CLASP1: variants seen among roughly 807,000 people sequenced by gnomAD.
CLASP1 encodes the protein CLIP-associating protein 1.
CLASP1 carries 38 observed loss-of-function variants against 192.3 expected under a neutral mutation model. The observed-to-expected ratio is 0.20, with a 90% CI of 0.15 to 0.26. The LOEUF is 0.26. CLASP1 is among the 10% of genes least tolerant of loss of function. The pLI is 1.00. For missense variants in CLASP1, 1,433 were observed against 1,932.5 expected, an observed-to-expected ratio of 0.74 and a Z score of 4.85; for synonymous variants, 691 against 712.8, an observed-to-expected ratio of 0.97 and a Z score of 0.49.
At chr2:121,470,771 T>C (rs2090572456) in intron 8 of CLASP1, 1 of 353,814 alleles carries the variant, frequency 2.8e-6, no homozygotes. Context: ...AGAGGTCATA[T>C]AAATGTACAT....
At chr2:121,587,982 T>C (rs2061920074) in intron 2 of CLASP1, among the ~76,000 whole-genome samples, 1 of 151,928 alleles carries the variant, frequency 6.6e-6, no homozygotes, top group Non-Finnish European at 1.5e-5. Context: ...AAGACTAGCC[T>C]GGTCAACATA....
At chr2:121,506,157 A>C (rs778347297) in intron 7 of CLASP1, among the ~76,000 whole-genome samples, 1 of 152,254 alleles carries the variant, frequency 6.6e-6, no homozygotes, top group Non-Finnish European at 1.5e-5. Flanking sequence ...TCAAAGAAGC[A>C]AAGAAAACAT....
intron 15 of CLASP1, among the ~76,000 whole-genome samples, chr2:121,451,438 A>C (rs1288937980): frequency 6.6e-6 from 1 of 152,360 alleles, no homozygotes; most frequent in East Asian, 1.9e-4. Context: ...AAACTTTCAA[A>C]TGAGTGAAAT....
At chr2:121,409,428 C>T (rs1477290945) in intron 24 of CLASP1, among the ~76,000 whole-genome samples, 1 of 152,152 alleles carries the variant, frequency 6.6e-6, no homozygotes, top group Non-Finnish European at 1.5e-5. Context: ...GTTTTCTCTT[C>T]AGAAGCAGGT....
intron 8 of CLASP1, among the ~76,000 whole-genome samples, chr2:121,494,494 G>A (rs1204114107): frequency 6.6e-6 from 1 of 151,964 alleles, no homozygotes; most frequent in Non-Finnish European, 1.5e-5. Context: ...TGGTTAAAGG[G>A]TACAAAAATA....
rs1487164913 is a variant in CLASP1, at chr2:121,531,001, T to TG, written c.196-677dup. 2.9e-6 allele frequency: 2 copies of TG among 700,156 alleles called. No individual in the cohort carries two copies. Among genetic ancestry groups the TG allele is most frequent in the African/African-American group, 1.7e-5 (1 of 57,150 alleles). 43.4% of individuals were successfully genotyped at this position (700,156 alleles called of 1,614,324 possible). A position where few individuals can be genotyped will look rare whatever the true frequency, so the allele number is the denominator to read the frequency against. ...TTTTGCTTTATTTTGGTGCAATTTT[T>TG]GGAAAAATGAAAACCTGTTTTCATA... On this transcript the variant is annotated intron_variant, in intron 2 of 39. Transcript: ENST00000263710.
chr2:121,529,830 G>C lies in CLASP1; in HGVS notation c.274+417C>G, dbSNP rs374948308. ...TCAAGGAAAACTGCCTCTCATTAAA[G>C]GGGACCGGGGTCAGGGTAAAATATG... On this transcript the variant is annotated intron_variant, in intron 3 of 39. Transcript: ENST00000263710. 2.0e-5 allele frequency among the ~76,000 whole-genome samples: 3 copies of C among 152,370 alleles called. No individual in the cohort carries two copies. The South Asian group carries it at 6.2e-4, about 32-fold the overall frequency.
intron 23 of CLASP1, among the ~76,000 whole-genome samples, chr2:121,415,386 T>C (rs973555458): frequency 4.6e-5 from 7 of 152,274 alleles, no homozygotes; most frequent in Non-Finnish European, 8.8e-5. Flanking sequence ...TAGTGTTGGG[T>C]GGTGCTGGTG....
At chr2:121,638,266 C>T (rs2071281604) in intron 1 of CLASP1, among the ~76,000 whole-genome samples, 1 of 151,920 alleles carries the variant, frequency 6.6e-6, no homozygotes, top group East Asian at 1.9e-4. Flanking sequence ...TAAGATACTA[C>T]TTATATTATA....
At chr2:121,630,567 C>T (rs1011511601) in intron 1 of CLASP1, among the ~76,000 whole-genome samples, 3 of 152,042 alleles carry the variant, frequency 2.0e-5, no homozygotes, top group African/African-American at 2.4e-5. Flanking sequence ...GAAAAGCAAA[C>T]AAGAAATGAG....
At position 121,478,992 on chromosome 2, in the gene CLASP1, CCACACACACACCA is replaced by C. The variant is rs1174942601; in HGVS notation, c.713-9045_713-9033del. Among the ~76,000 whole-genome samples the C allele has an allele frequency of 3.1e-3, 197 of 63,348 alleles. 3 individuals are homozygous for C. Among genetic ancestry groups the C allele is most frequent in the Admixed American group, 4.7e-3 (30 of 6,410 alleles). 41.6% of individuals were successfully genotyped at this position (63,348 alleles called of 152,430 possible). A position where few individuals can be genotyped will look rare whatever the true frequency, so the allele number is the denominator to read the frequency against. On this transcript the variant is annotated intron_variant, in intron 8 of 39. Transcript: ENST00000263710. ...ACACACCACACACACACCACACACCCCACACACACACCACACACACACACCACACACACACACA... is the reference window on the plus strand; with the variant it reads ...ACACACCACACACACACCACACACCCCACACACACACCACACACACACACA...
intron 1 of CLASP1, among the ~76,000 whole-genome samples, chr2:121,611,173 T>G (rs1423213991): frequency 1.4e-3 from 89 of 65,574 alleles, no homozygotes; most frequent in Admixed American, 1.6e-3. Flanking sequence ...GTTGGAGGAG[T>G]TACAGGAGGA....
chr2:121,469,986 GT>G (rs556916848), intron 8 of CLASP1, 26 bp from the exon 9 acceptor site: 1 of 1,580,020 alleles, frequency 6.3e-7, no homozygotes, highest in African/African-American at 1.4e-5. Flanking sequence ...AGAAACCAAC[GT>G]TTTTTTAAAA....
exon 28 of CLASP1, chr2:121,401,567 C>T (rs2076158191): frequency 6.2e-7 from 1 of 1,613,240 alleles, no homozygotes. Context: ...AAATCTGCTC[C>T]CATTTTCTTA....
intron 2 of CLASP1, 68 bp from the exon 3 acceptor site, chr2:121,530,393 C>A: frequency 7.8e-7 from 1 of 1,285,098 alleles, no homozygotes; most frequent in Non-Finnish European, 1.1e-6. Flanking sequence ...CCCACCCGCT[C>A]CGGGGAGGCC....
intron 9 of CLASP1, 88 bp from the exon 10 acceptor site, chr2:121,462,693 A>T (rs1294267407): frequency 2.6e-6 from 2 of 758,602 alleles, no homozygotes; most frequent in Middle Eastern, 2.4e-4. Flanking sequence ...CACAATCAAA[A>T]TTACATTTTG....
At chr2:121,401,703 A>C in intron 27 of CLASP1, 31 bp from the exon 29 acceptor site, 1 of 1,581,024 alleles carries the variant, frequency 6.3e-7, no homozygotes, top group Non-Finnish European at 8.6e-7. Context: ...AGTAGTTCAC[A>C]TATTGAATTC....
At chr2:121,596,097 T>C (rs925291510) in intron 2 of CLASP1, among the ~76,000 whole-genome samples, 5 of 152,212 alleles carry the variant, frequency 3.3e-5, no homozygotes, top group African/African-American at 7.2e-5. Flanking sequence ...CCCTTGCATA[T>C]AGGTAAACAC....
chr2:121,366,683 G>T (rs1345804104), intron 35 of CLASP1, among the ~76,000 whole-genome samples: 1 of 152,212 alleles, frequency 6.6e-6, no homozygotes, highest in East Asian at 1.9e-4. Context: ...CTTAGTGAAT[G>T]TTAACTATTT....
Sources: gnomAD v4.1 joint callset for allele counts (sites outside exome capture counted in the v4.1 genomes callset) on GRCh38, gnomAD v4.1.1 for gene constraint, MANE v1.5 for transcripts, NCBI Gene and HGNC (gene_info 2026-07-23, HGNC 2026-07-21) for gene names.